The following APBA2 variants were observed in gnomAD, a reference collection of about 807,000 sequenced individuals.
APBA2 encodes the protein amyloid beta precursor protein binding family A member 2, also known as amyloid-beta A4 precursor protein-binding family A member 2.
APBA2 carries 30 observed loss-of-function variants against 75.0 expected under a neutral mutation model. The ratio of observed to expected loss-of-function variants is 0.40; its 90% confidence interval spans 0.30 to 0.54. APBA2 has a LOEUF of 0.54. Among genes scored for constraint, APBA2 ranks in the 20% least tolerant of loss-of-function variants. APBA2 has a pLI of 0.49. For missense variants in APBA2, 801 were observed against 1,016.1 expected, an observed-to-expected ratio of 0.79 and a Z score of 2.88; for synonymous variants, 444 against 409.6, an observed-to-expected ratio of 1.08 and a Z score of -1.01.
In APBA2 at chr15:29,046,985, G is replaced by A. The variant is rs1000367765; in HGVS notation, c.-40-6860G>A. Among the ~76,000 whole-genome samples, 6 of 152,154 alleles carry A rather than the reference G, an allele frequency of 3.9e-5. No homozygotes were observed. The highest frequency in any genetic ancestry group is 8.8e-5 in the Non-Finnish European group (6 of 68,038). On this transcript the variant is annotated intron_variant, in intron 3 of 14. Transcript: ENST00000683413. This position sits in a 1 kb window ranked among gnomAD's most constrained non-coding sequence, Gnocchi z 5.0. ...TAACTCCCTTTATGTAGTGTTTATG[G>A]AGTTCAGGCCTGCACTGGTTGCTCT...
At position 29,074,916 on chromosome 15, in the gene APBA2, T is replaced by G. The variant is rs756756402; in HGVS notation, c.952-5T>G. 18 of 1,613,968 alleles carry G rather than the reference T, an allele frequency of 1.1e-5. No homozygotes were observed. The highest frequency in any genetic ancestry group is 1.4e-5 in the Non-Finnish European group (17 of 1,179,924). Reference sequence around the variant, plus strand: ...AATCACGATCTTTAACTTCCCCGTTTCCAGGTTTGCAATGGTCTGGAGCAG... The same window carrying G: ...AATCACGATCTTTAACTTCCCCGTTGCCAGGTTTGCAATGGTCTGGAGCAG... On this transcript the variant is annotated splice_polypyrimidine_tract_variant and splice_region_variant and intron_variant, in intron 4 of 14. Transcript: ENST00000683413.
At chr15:28,937,378 C>T (rs2034937177) in intron 2 of APBA2, among the ~76,000 whole-genome samples, 1 of 152,188 alleles carries the variant, frequency 6.6e-6, no homozygotes, top group South Asian at 2.1e-4. Context: ...AACCCTGTCA[C>T]GACAGTTTTG....
chr15:28,998,207 T>C (rs2152797552), intron 3 of APBA2, among the ~76,000 whole-genome samples: 1 of 151,624 alleles, frequency 6.6e-6, no homozygotes, highest in Non-Finnish European at 1.5e-5. Flanking sequence ...TTTCTTTTTT[T>C]TTTTTTTTTG....
chr15:29,107,767 C>A (rs75796409), intron 12 of APBA2, among the ~76,000 whole-genome samples: 1 of 152,210 alleles, frequency 6.6e-6, no homozygotes, highest in Admixed American at 6.5e-5. Flanking sequence ...CTGGCGCACC[C>A]GCTGACAATT....
intron 2 of APBA2, among the ~76,000 whole-genome samples, chr15:28,934,856 C>T (rs1030612660): frequency 2.0e-5 from 3 of 152,178 alleles, no homozygotes; most frequent in African/African-American, 7.2e-5. Flanking sequence ...GGCAGTGTTT[C>T]CCCGTCAGGA....
rs57446098 is a variant in APBA2 at position 29,045,103 on chromosome 15, C to CTCTCTCTCTCTCTCTCTTTCTT, written c.-40-8742_-40-8741insTCTCTCTCTCTCTCTCTTTCTT. ...TCTCTCTCTCTCTCTCTCTCTCTCT[C>CTCTCTCTCTCTCTCTCTTTCTT]GTCTCGCACTGTCACCTGGGCTGGA... On this transcript the variant is annotated intron_variant, in intron 3 of 14. Transcript: ENST00000683413. 4.7e-3 allele frequency among the ~76,000 whole-genome samples: 657 copies of CTCTCTCTCTCTCTCTCTTTCTT among 140,388 alleles called. 13 individuals are homozygous for CTCTCTCTCTCTCTCTCTTTCTT. Among genetic ancestry groups the CTCTCTCTCTCTCTCTCTTTCTT allele is most frequent in the African/African-American group, 0.017 (621 of 36,512 alleles). The allele number at this position is 140,388 out of a possible 152,430, so 92.1% of individuals were successfully genotyped here.
At chr15:29,095,724 C>T (rs1007765880) in intron 8 of APBA2, among the ~76,000 whole-genome samples, 2 of 152,230 alleles carry the variant, frequency 1.3e-5, no homozygotes, top group Admixed American at 1.3e-4. Context: ...CTTTGGTCCA[C>T]CTAGGATGTC....
chr15:29,090,031 G>T (rs1262340490), intron 6 of APBA2, among the ~76,000 whole-genome samples: 7 of 152,158 alleles, frequency 4.6e-5, no homozygotes, highest in Non-Finnish European at 1.0e-4. Flanking sequence ...CCATGAATCT[G>T]ATATACTCCC....
intron 11 of APBA2, 128 bp downstream of exon 11, chr15:29,105,686 C>A (rs572680114): frequency 2.0e-6 from 2 of 983,476 alleles, no homozygotes; most frequent in Non-Finnish European, 3.1e-6. Flanking sequence ...CAGTGGGGCC[C>A]GGAATGTGCA....
intron 1 of APBA2, among the ~76,000 whole-genome samples, chr15:28,892,067 T>C (rs1287583840): frequency 1.4e-5 from 2 of 139,954 alleles, no homozygotes; most frequent in Non-Finnish European, 3.1e-5. Context: ...TACTGTGTTA[T>C]ATATAATATA....
chr15:29,035,226 AGGCAGAGGAGTAAGGGCTTGCTACCGG>A (rs1350268689), intron 3 of APBA2, among the ~76,000 whole-genome samples: 1 of 152,212 alleles, frequency 6.6e-6, no homozygotes, highest in Non-Finnish European at 1.5e-5. Context: ...CTTGCCAGAC[AGGCAGAGGAGTAAGGGCTTGCTACCGG>A]GGCAGAGAAC....
intron 2 of APBA2, among the ~76,000 whole-genome samples, chr15:28,948,004 G>T (rs530065469): frequency 1.4e-4 from 21 of 152,326 alleles, no homozygotes; most frequent in African/African-American, 4.3e-4. Context: ...GGTTGGCCTT[G>T]CAGGGTGTTA....
In APBA2 at chr15:28,996,015, C is replaced by T. The variant is rs115592827; in HGVS notation, c.-41+209C>T. 7.1e-3 allele frequency among the ~76,000 whole-genome samples: 1,086 copies of T among 152,184 alleles called. 11 individuals are homozygous for T. The highest frequency in any genetic ancestry group is 0.024 in the African/African-American group (1,006 of 41,520). Reference sequence around the variant, plus strand: ...CCAAGGAGTGGATGGACACTGGGGACGCTTCTGGCACTTACCTTGCCCGGA... The same window carrying T: ...CCAAGGAGTGGATGGACACTGGGGATGCTTCTGGCACTTACCTTGCCCGGA... On this transcript the variant is annotated intron_variant, in intron 3 of 14. Transcript: ENST00000683413.
Position 29,091,127 on chromosome 15 carries a change from C to G in APBA2, c.1070-1948C>G, listed in dbSNP as rs151230700. On this transcript the variant is annotated intron_variant, in intron 6 of 14. Coordinates refer to ENST00000683413, the MANE Select transcript of APBA2 (RefSeq NM_001353788.2). ...AGGGGTTCCTCCCCTGGTGCCACCC[C>G]TGAATCCCGCAGTCCCCCACATTGG... Among the ~76,000 whole-genome samples the G allele has an allele frequency of 6.9e-3, 1,044 of 152,306 alleles. 6 individuals are homozygous for G. Among genetic ancestry groups the G allele is most frequent in the Middle Eastern group, 0.02 (6 of 294 alleles).
chr15:29,088,823 C>T (rs1463189991), intron 6 of APBA2, among the ~76,000 whole-genome samples: 1 of 152,210 alleles, frequency 6.6e-6, no homozygotes, highest in Non-Finnish European at 1.5e-5. Flanking sequence ...CCTCCCCACC[C>T]TCGACTTGTC....
chr15:28,937,156 C>T (rs1485540730), intron 2 of APBA2, among the ~76,000 whole-genome samples: 2 of 152,296 alleles, frequency 1.3e-5, no homozygotes, highest in East Asian at 1.9e-4. Flanking sequence ...CCATCATCCA[C>T]CCCTCTATAC....
intron 3 of APBA2, among the ~76,000 whole-genome samples, chr15:29,027,802 C>T (rs750323622): frequency 2.2e-4 from 34 of 151,856 alleles, no homozygotes; most frequent in Non-Finnish European, 3.8e-4. Flanking sequence ...GGGGTTTCAC[C>T]GTGTTAGCCA....
At chr15:28,954,151 T>C (rs539218523) in intron 2 of APBA2, among the ~76,000 whole-genome samples, 1 of 152,266 alleles carries the variant, frequency 6.6e-6, no homozygotes, top group Non-Finnish European at 1.5e-5. Context: ...AAGCTGCCCA[T>C]GGTCACACCG....
At chr15:29,096,390 C>G (rs1157165932) in intron 8 of APBA2, among the ~76,000 whole-genome samples, 2 of 152,222 alleles carry the variant, frequency 1.3e-5, no homozygotes, top group Admixed American at 6.5e-5. Context: ...CAGGTTTCCT[C>G]CACAATTGTC....
Sources: allele counts gnomAD v4.1 joint callset (sites outside exome capture counted in the v4.1 genomes callset), GRCh38; gene constraint gnomAD v4.1.1; non-coding constraint Gnocchi (gnomAD v3.1); transcripts MANE v1.5; gene names NCBI Gene and HGNC (gene_info 2026-07-23, HGNC 2026-07-21).